MATK: variants seen among roughly 807,000 people sequenced by gnomAD.
MATK encodes megakaryocyte-associated tyrosine kinase.
A neutral mutation model predicts 59.8 loss-of-function variants in MATK; 41 were observed. That is an observed-to-expected ratio of 0.69 (90% confidence interval 0.53 to 0.89). The LOEUF is 0.89. Ranked by LOEUF, MATK falls within the 40% of genes least tolerant of loss-of-function variation. MATK has a pLI of 0.00. For synonymous variants in MATK, 308 were observed against 306.1 expected (o/e 1.01, Z -0.06); for missense variants, 593 against 719.6 (o/e 0.82, Z 2.01).
At chr19:3,795,127 G>A (rs746317309) in intron 1 of MATK, among the ~76,000 whole-genome samples, 6 of 151,568 alleles carry the variant, frequency 4.0e-5, no homozygotes, top group South Asian at 2.1e-4. Context: ...ACAGGCGCCC[G>A]CCACCACACC....
chr19:3,778,053 G>C lies in MATK; in HGVS notation c.*130C>G. The C allele has an allele frequency of 1.5e-6, 2 of 1,362,254 alleles. No individual in the cohort carries two copies. The highest frequency in any genetic ancestry group is 3.0e-5 in the African/African-American group (2 of 66,218). The allele number at this position is 1,362,254 out of a possible 1,614,324, so 84.4% of individuals were successfully genotyped here. A position where few individuals can be genotyped will look rare whatever the true frequency, so the allele number is the denominator to read the frequency against. On this transcript the variant is annotated 3_prime_UTR_variant, in exon 14 of 14. Coordinates refer to ENST00000310132, the MANE Select transcript of MATK (RefSeq NM_139355.3). ...CGGGCCGCCCAGAGCCCCCTACGTG[G>C]GCCAGCCCCTGCTGTGGGCACCAGG...
Position 3,781,602 on chromosome 19 carries a change from C to T in MATK, c.742+5G>A. The T allele has an allele frequency of 6.2e-7, 1 of 1,613,948 alleles. No homozygotes were observed. Among genetic ancestry groups the T allele is most frequent in the Non-Finnish European group, 8.5e-7 (1 of 1,179,922 alleles). ...TCAGCACCCCCAACCCAGTCCGCCACTCACCTCCAAACTCTCCCTCTCCGA... is the reference window on the plus strand; with the variant it reads ...TCAGCACCCCCAACCCAGTCCGCCATTCACCTCCAAACTCTCCCTCTCCGA... On this transcript the variant is annotated splice_donor_5th_base_variant and intron_variant, in intron 8 of 13. Coordinates refer to ENST00000310132, the MANE Select transcript of MATK (RefSeq NM_139355.3).
At chr19:3,783,016 A>C (rs2037422294) in intron 7 of MATK, 110 bp downstream of exon 7, 3 of 935,912 alleles carry the variant, frequency 3.2e-6, no homozygotes, top group Non-Finnish European at 5.0e-6. Context: ...CTGGGCATGG[A>C]GACAGGCTTG....
At chr19:3,784,958 G>T in intron 2 of MATK, 74 bp from the exon 3 acceptor site, 1 of 1,422,430 alleles carries the variant, frequency 7.0e-7, no homozygotes, top group Admixed American at 1.8e-5. Flanking sequence ...TCCAGCCCAG[G>T]TCAGGTGGGG....
chr19:3,799,769 A>G (rs1008807465), intron 1 of MATK, among the ~76,000 whole-genome samples: 7 of 151,800 alleles, frequency 4.6e-5, no homozygotes, highest in Admixed American at 2.6e-4. Context: ...TGAACCCAGG[A>G]GGCAGAGGTT....
upstream of MATK, among the ~76,000 whole-genome samples, chr19:3,789,848 C>T (rs970081687): frequency 7.9e-5 from 12 of 151,770 alleles, no homozygotes; most frequent in South Asian, 4.2e-4. Context: ...CCTCAGCCTC[C>T]TGAGTAGCTG....
At chr19:3,784,962 G>T in intron 2 of MATK, 78 bp from the exon 3 acceptor site, 3 of 1,429,002 alleles carry the variant, frequency 2.1e-6, no homozygotes, top group Non-Finnish European at 2.9e-6. Context: ...GCCCAGGTCA[G>T]GTGGGGGCGA....
chr19:3,783,013 T>C, intron 7 of MATK, 113 bp downstream of exon 7: 1 of 909,328 alleles, frequency 1.1e-6, no homozygotes, highest in South Asian at 1.5e-5. Context: ...TAGCTGGGCA[T>C]GGAGACAGGC....
chr19:3,789,228 A>G (rs759213846), upstream of MATK: 1 of 760,298 alleles, frequency 1.3e-6, no homozygotes. Flanking sequence ...GTGTTAAGTC[A>G]AAATATCTGC....
Position 3,778,049 on chromosome 19 carries a change from C to T in MATK, c.*134G>A, listed in dbSNP as rs961913323. The T allele has an allele frequency of 4.2e-5, 56 of 1,332,332 alleles. No homozygotes were observed. The highest frequency in any genetic ancestry group is 5.1e-5 in the Non-Finnish European group (51 of 1,005,604). The allele number at this position is 1,332,332 out of a possible 1,614,324, so 82.5% of individuals were successfully genotyped here. A position where few individuals can be genotyped will look rare whatever the true frequency, so the allele number is the denominator to read the frequency against. On this transcript the variant is annotated 3_prime_UTR_variant, in exon 14 of 14. Coordinates refer to ENST00000310132, the MANE Select transcript of MATK (RefSeq NM_139355.3). ...TCCACGGGCCGCCCAGAGCCCCCTA[C>T]GTGGGCCAGCCCCTGCTGTGGGCAC...
intron 1 of MATK, among the ~76,000 whole-genome samples, chr19:3,799,993 T>A (rs1032991031): frequency 1.3e-5 from 2 of 150,968 alleles, no homozygotes; most frequent in African/African-American, 4.9e-5. Flanking sequence ...ATACAAAAAA[T>A]TAGCTGGGTG....
intron 1 of MATK, among the ~76,000 whole-genome samples, chr19:3,791,500 G>A (rs1022039047): frequency 1.3e-5 from 2 of 151,898 alleles, no homozygotes; most frequent in African/African-American, 4.8e-5. Flanking sequence ...CCACCACCAT[G>A]CCTGGCTAAT....
rs2037463913 is a variant in MATK, at chr19:3,785,191, T to G, written c.-56A>C. 1 of 1,611,402 alleles carries G rather than the reference T, an allele frequency of 6.2e-7. No homozygotes were observed. The highest frequency in any genetic ancestry group is 1.1e-5 in the South Asian group (1 of 90,980). ...AGGCACACTGAGCAAGTGGTCACAGTCGGGGACGCTGGGAATGGCCTGCCA... is the reference window on the plus strand; with the variant it reads ...AGGCACACTGAGCAAGTGGTCACAGGCGGGGACGCTGGGAATGGCCTGCCA... On this transcript the variant is annotated 5_prime_UTR_variant, in exon 2 of 14. Transcript: ENST00000310132.
intron 6 of MATK, chr19:3,783,434 T>A (rs1392989438): frequency 2.7e-5 from 16 of 599,906 alleles, no homozygotes; most frequent in Non-Finnish European, 4.4e-5. Flanking sequence ...CCCAGAGGAG[T>A]CACTCTAGTC....
chr19:3,782,879 G>T lies in MATK; in HGVS notation c.676+247C>A, dbSNP rs183691621. The T allele has an allele frequency of 6.5e-5, 34 of 523,038 alleles. No individual in the cohort carries two copies. In the East Asian group the frequency reaches 1.1e-3, roughly 17 times the overall value. The allele number at this position is 523,038 out of a possible 1,614,324, so 32.4% of individuals were successfully genotyped here. On this transcript the variant is annotated intron_variant, in intron 7 of 13. Transcript: ENST00000310132. ...AGGATGGGGTGGGTGGAGGTTCGGGGCCAGGTTTCTGGCTCAGATGGTGGA... is the reference window on the plus strand; with the variant it reads ...AGGATGGGGTGGGTGGAGGTTCGGGTCCAGGTTTCTGGCTCAGATGGTGGA...
Position 3,779,526 on chromosome 19 carries a change from G to A in MATK, c.927+7C>T, listed in dbSNP as rs753308774. ...TGGGCCCCCTCCCCGCCTGGGCCCCGCCCCACCTTGCTCACGTGCTCCATG... is the reference window on the plus strand; with the variant it reads ...TGGGCCCCCTCCCCGCCTGGGCCCCACCCCACCTTGCTCACGTGCTCCATG... On this transcript the variant is annotated splice_region_variant and intron_variant, in intron 10 of 13. Transcript: ENST00000310132. 2.5e-6 allele frequency: 4 copies of A among 1,610,710 alleles called. No homozygotes were observed. Among genetic ancestry groups the A allele is most frequent in the East Asian group, 2.2e-5 (1 of 44,788 alleles).
At chr19:3,783,042 G>A in intron 7 of MATK, 84 bp downstream of exon 7, 2 of 1,269,488 alleles carry the variant, frequency 1.6e-6, no homozygotes, top group South Asian at 1.2e-5. Context: ...TCTGGCCTCA[G>A]AGGTGCGGGG....
rs2037426009 is a variant in MATK, at chr19:3,783,227, A to G, written c.583-8T>C. 2.8e-6 allele frequency: 4 copies of G among 1,409,908 alleles called. No individual in the cohort carries two copies. Among genetic ancestry groups the G allele is most frequent in the Non-Finnish European group, 2.8e-6 (3 of 1,059,234 alleles). 87.3% of individuals were successfully genotyped at this position (1,409,908 alleles called of 1,614,324 possible). The stretch of plus-strand genomic sequence containing the variant: ...CTTGTCCTTGCTGTAATGCTGCAGG[A>G]TGGTGGGACAGCCATGAGCCCAGCC... On this transcript the variant is annotated splice_polypyrimidine_tract_variant and splice_region_variant and intron_variant, in intron 6 of 13. Coordinates refer to ENST00000310132, the MANE Select transcript of MATK (RefSeq NM_139355.3).
At chr19:3,781,771 C>G in intron 7 of MATK, 99 bp from the exon 8 acceptor site, 2 of 941,782 alleles carry the variant, frequency 2.1e-6, no homozygotes, top group Non-Finnish European at 3.4e-6. Flanking sequence ...TCTCACAGTG[C>G]TGCAGCTGTG....
Sources: allele counts gnomAD v4.1 joint callset (sites outside exome capture counted in the v4.1 genomes callset), GRCh38; gene constraint gnomAD v4.1.1; transcripts MANE v1.5; gene names NCBI Gene and HGNC (gene_info 2026-07-23, HGNC 2026-07-21).